PHACTR1: variants seen among roughly 807,000 people sequenced by gnomAD.
PHACTR1 encodes RPEL repeat containing 1.
A neutral mutation model predicts 69.2 loss-of-function variants in PHACTR1; 16 were observed. That is an observed-to-expected ratio of 0.23 (90% CI 0.16 to 0.35). The LOEUF is 0.35. Among genes scored for constraint, PHACTR1 ranks in the 10% least tolerant of loss-of-function variants. The pLI is 1.00. For missense variants in PHACTR1, 510 were observed against 734.7 expected, an observed-to-expected ratio of 0.69 and a Z score of 3.54; for synonymous variants, 312 against 284.5, an observed-to-expected ratio of 1.10 and a Z score of -0.97.
intron 4 of PHACTR1, among the ~76,000 whole-genome samples, chr6:12,851,069 TCG>T (rs1426328012): frequency 3.3e-5 from 5 of 152,232 alleles, no homozygotes; most frequent in Admixed American, 1.3e-4. Context: ...TTAAGAGAGT[TCG>T]TGTGTTCACA....
intron 8 of PHACTR1, among the ~76,000 whole-genome samples, chr6:13,221,460 A>G (rs1487551528): frequency 6.6e-6 from 1 of 152,058 alleles, no homozygotes; most frequent in Admixed American, 6.5e-5. Context: ...CTGGAAGAAG[A>G]TTAAAGTTTG....
intron 10 of PHACTR1, among the ~76,000 whole-genome samples, chr6:13,243,207 A>C (rs1052284700): frequency 6.6e-6 from 1 of 150,434 alleles, no homozygotes; most frequent in Non-Finnish European, 1.5e-5. Flanking sequence ...AAACTTGTGC[A>C]TTAATGTGAA....
At chr6:13,124,820 T>C (rs1819275250) in intron 5 of PHACTR1, among the ~76,000 whole-genome samples, 1 of 152,214 alleles carries the variant, frequency 6.6e-6, no homozygotes. Flanking sequence ...AGCTCTCTGG[T>C]GTCTCTTCTT....
chr6:13,265,593 A>G (rs1456060714), intron 10 of PHACTR1, among the ~76,000 whole-genome samples: 1 of 152,242 alleles, frequency 6.6e-6, no homozygotes, highest in Non-Finnish European at 1.5e-5. Flanking sequence ...GAAGGCCAGC[A>G]GATGCTGACT....
intron 4 of PHACTR1, among the ~76,000 whole-genome samples, chr6:12,859,669 G>A (rs934441360): frequency 7.9e-5 from 12 of 152,258 alleles, no homozygotes; most frequent in African/African-American, 2.9e-4. Flanking sequence ...TTTGAGAGCA[G>A]GTCTATGAAC....
At chr6:12,920,035 T>A (rs929012652) in intron 4 of PHACTR1, among the ~76,000 whole-genome samples, 21 of 152,210 alleles carry the variant, frequency 1.4e-4, no homozygotes, top group African/African-American at 4.8e-4. Context: ...AGGATAATTA[T>A]CAAAAAGAGA....
chr6:13,174,975 A>G (rs1009175135), intron 6 of PHACTR1, among the ~76,000 whole-genome samples: 1 of 152,198 alleles, frequency 6.6e-6, no homozygotes, highest in Non-Finnish European at 1.5e-5. Flanking sequence ...AAAAAGTCCA[A>G]CATAATGCTG....
At chr6:13,122,932 GT>G (rs1287412726) in intron 5 of PHACTR1, among the ~76,000 whole-genome samples, 2 of 152,060 alleles carry the variant, frequency 1.3e-5, no homozygotes, top group Admixed American at 6.6e-5. Context: ...CATATTCAGT[GT>G]TTTTTGTTTC....
intron 7 of PHACTR1, among the ~76,000 whole-genome samples, chr6:13,205,305 A>C (rs946012995): frequency 6.6e-6 from 1 of 152,120 alleles, no homozygotes. Context: ...TAATCTATTC[A>C]TGAGGGATCC....
intron 4 of PHACTR1, among the ~76,000 whole-genome samples, chr6:12,926,874 T>A (rs2127522250): frequency 6.6e-6 from 1 of 151,600 alleles, no homozygotes; most frequent in South Asian, 2.1e-4. Flanking sequence ...CATGCGCTGG[T>A]CCTGGTCCTG....
At chr6:13,158,110 G>C (rs764109789) in intron 5 of PHACTR1, among the ~76,000 whole-genome samples, 4 of 152,018 alleles carry the variant, frequency 2.6e-5, no homozygotes, top group African/African-American at 4.8e-5. Flanking sequence ...TCAAACTCCT[G>C]ACCTCAAATG....
At chr6:12,785,365 A>G (rs1771413311) in intron 4 of PHACTR1, among the ~76,000 whole-genome samples, 1 of 152,254 alleles carries the variant, frequency 6.6e-6, no homozygotes, top group African/African-American at 2.4e-5. Context: ...AAATGGAGGT[A>G]CATGTATTAG....
intron 4 of PHACTR1, among the ~76,000 whole-genome samples, chr6:12,859,714 A>G (rs1354139339): frequency 6.6e-6 from 1 of 152,140 alleles, no homozygotes; most frequent in Non-Finnish European, 1.5e-5. Flanking sequence ...TGTCCCCCAA[A>G]TGCTCACTGA....
chr6:13,205,601 C>A (rs1765787118), intron 7 of PHACTR1, among the ~76,000 whole-genome samples: 1 of 152,210 alleles, frequency 6.6e-6, no homozygotes, highest in Admixed American at 6.5e-5. Context: ...TTCCTGAAGG[C>A]CCTTATGGCC....
intron 4 of PHACTR1, among the ~76,000 whole-genome samples, chr6:12,840,796 T>C (rs1480610297): frequency 6.6e-6 from 1 of 152,262 alleles, no homozygotes; most frequent in Non-Finnish European, 1.5e-5. Flanking sequence ...TCTCTTGCTC[T>C]TTTTGTTCAA....
chr6:13,150,286 G>A (rs1824106701), intron 5 of PHACTR1, among the ~76,000 whole-genome samples: 1 of 152,112 alleles, frequency 6.6e-6, no homozygotes, highest in Non-Finnish European at 1.5e-5. Context: ...AGTTTCCAGT[G>A]AGCCAAGATT....
intron 5 of PHACTR1, among the ~76,000 whole-genome samples, chr6:13,098,964 C>T (rs934242366): frequency 9.9e-5 from 15 of 152,192 alleles, no homozygotes; most frequent in Non-Finnish European, 2.1e-4. Context: ...AAAACATAGT[C>T]ATATCATTTC....
intron 10 of PHACTR1, among the ~76,000 whole-genome samples, chr6:13,244,771 AC>A (rs1424089882): frequency 1.3e-5 from 2 of 152,200 alleles, no homozygotes; most frequent in Admixed American, 1.3e-4. Context: ...GCTCAAACAC[AC>A]ATGCTGTACA....
chr6:13,263,999 T>G (rs1445793577), intron 10 of PHACTR1, among the ~76,000 whole-genome samples: 1 of 152,258 alleles, frequency 6.6e-6, no homozygotes, highest in Non-Finnish European at 1.5e-5. Flanking sequence ...AAAATTTTGA[T>G]GACTAGAATT....
Sources: gnomAD v4.1 joint callset for allele counts (sites outside exome capture counted in the v4.1 genomes callset) on GRCh38, gnomAD v4.1.1 for gene constraint, MANE v1.5 for transcripts, NCBI Gene and HGNC (gene_info 2026-07-23, HGNC 2026-07-21) for gene names.